Variants in TMEM92 observed in about 807,000 individuals in gnomAD.
TMEM92 encodes the protein transmembrane protein 92.
Under a neutral mutation model 14.6 loss-of-function variants are expected in TMEM92, and 15 were observed. That is an observed-to-expected ratio of 1.03 (90% CI 0.69 to 1.58). The LOEUF (loss-of-function observed/expected upper bound fraction) is 1.58. Among genes scored for constraint, TMEM92 ranks in the 40% most tolerant of loss-of-function variants. TMEM92 has a pLI of 0.00. For synonymous variants in TMEM92, 85 were observed against 83.3 expected, an observed-to-expected ratio of 1.02 and a Z score of -0.11; for missense variants, 174 against 202.4, an observed-to-expected ratio of 0.86 and a Z score of 0.85.
At position 50,278,959 on chromosome 17, in the gene TMEM92, G is replaced by A. The variant is rs866364312; in HGVS notation, c.329G>A (p.Arg110Lys). The A allele has an allele frequency of 6.2e-7, 1 of 1,612,186 alleles. No individual in the cohort carries two copies. The highest frequency in any genetic ancestry group is 1.3e-5 in the African/African-American group (1 of 74,880). ...TCCATCATCCCCCCAGAGAGGGTCAGAGTATCCCTTTCTGCGCCCCCACCC... is the reference window on the plus strand; with the variant it reads ...TCCATCATCCCCCCAGAGAGGGTCAAAGTATCCCTTTCTGCGCCCCCACCC... ...LPSIIPPERV[R>K]VSLSAPPPPY... The change falls in exon 4 of 5, where the codon AGA becomes AAA. Residue 110 changes from arginine to lysine, a missense_variant. Transcript: ENST00000507382.
intron 2 of TMEM92, 34 bp downstream of exon 2, chr17:50,277,774 A>T: frequency 4.3e-6 from 7 of 1,613,506 alleles, no homozygotes; most frequent in Non-Finnish European, 5.1e-6. Context: ...CAATCTGGGG[A>T]GCGGGGAGGA....
Sources: allele counts gnomAD v4.1 joint callset, GRCh38; gene constraint gnomAD v4.1.1; transcripts MANE v1.5; gene names NCBI Gene and HGNC (gene_info 2026-07-23, HGNC 2026-07-21).